Variants in ACYP2 observed in about 807,000 individuals in gnomAD.
ACYP2 encodes acylphosphatase-2.
Under a neutral mutation model 11.2 loss-of-function variants are expected in ACYP2, and 12 were observed. The ratio of observed to expected loss-of-function variants is 1.08; its 90% CI spans 0.69 to 1.74. The LOEUF is 1.74. Among genes scored for constraint, ACYP2 ranks in the 40% most tolerant of loss-of-function variants. ACYP2 has a pLI of 0.00. For missense variants in ACYP2, 134 were observed against 101.9 expected, an observed-to-expected ratio of 1.31 and a Z score of -1.35; for synonymous variants, 43 against 32.2, an observed-to-expected ratio of 1.33 and a Z score of -1.13.
chr2:53,992,148 TTTC>T (rs1672331649), intron 2 of ACYP2, among the ~76,000 whole-genome samples: 2 of 149,088 alleles, frequency 1.3e-5, no homozygotes, highest in African/African-American at 5.0e-5. Flanking sequence ...CCTTCCTTTC[TTTC>T]TTTCCTTCCT....
intron 2 of ACYP2, among the ~76,000 whole-genome samples, chr2:54,006,184 G>A (rs922698756): frequency 1.3e-5 from 2 of 152,042 alleles, no homozygotes; most frequent in Non-Finnish European, 2.9e-5. Flanking sequence ...TCTCACTCTT[G>A]TCCCCCAGGC....
intron 4 of ACYP2, among the ~76,000 whole-genome samples, chr2:54,087,531 T>G (rs747047451): frequency 6.6e-6 from 1 of 152,034 alleles, no homozygotes; most frequent in Non-Finnish European, 1.5e-5. Flanking sequence ...TCGTATTTTT[T>G]GTAGAGATGG....
chr2:54,091,072 T>C (rs1678198113), intron 4 of ACYP2, among the ~76,000 whole-genome samples: 2 of 152,256 alleles, frequency 1.3e-5, no homozygotes, highest in African/African-American at 4.8e-5. Context: ...CTACTAATGT[T>C]TCTCAACACC....
At chr2:54,252,142 TTACACTTCA>T (rs1259397649) in intron 6 of ACYP2, among the ~76,000 whole-genome samples, 2 of 152,354 alleles carry the variant, frequency 1.3e-5, no homozygotes, top group Non-Finnish European at 2.9e-5. Flanking sequence ...TTACCTGCTG[TTACACTTCA>T]TACATAAAAG....
chr2:54,222,246 C>T (rs1685827792), intron 6 of ACYP2, among the ~76,000 whole-genome samples: 2 of 152,108 alleles, frequency 1.3e-5, no homozygotes, highest in South Asian at 4.2e-4. Flanking sequence ...TTGGGTGGAA[C>T]TAGGAGAAAA....
intron 6 of ACYP2, among the ~76,000 whole-genome samples, chr2:54,146,307 C>T (rs1179173937): frequency 6.6e-6 from 1 of 152,204 alleles, no homozygotes; most frequent in Non-Finnish European, 1.5e-5. Flanking sequence ...ATTTTCACAA[C>T]CATCTGCCTT....
At chr2:54,041,109 CT>C (rs55975751) in intron 2 of ACYP2, among the ~76,000 whole-genome samples, 80,892 of 149,532 alleles carry the variant, frequency 0.54, 21,926 homozygotes, top group East Asian at 0.7. Context: ...TTCTTTCTTT[CT>C]TTTTTTTTGT....
At chr2:54,002,169 A>G (rs1206676380) in intron 2 of ACYP2, among the ~76,000 whole-genome samples, 1 of 151,816 alleles carries the variant, frequency 6.6e-6, no homozygotes, top group Non-Finnish European at 1.5e-5. Flanking sequence ...ATTCATTCCT[A>G]CTCTCCCTTA....
chr2:53,981,061 AT>A (rs1430546062), intron 2 of ACYP2, among the ~76,000 whole-genome samples: 3 of 152,056 alleles, frequency 2.0e-5, no homozygotes, highest in Admixed American at 6.6e-5. Flanking sequence ...CAGATGTACC[AT>A]TTTTTATCTT....
chr2:54,096,894 G>C (rs1678624540), intron 4 of ACYP2, among the ~76,000 whole-genome samples: 1 of 152,206 alleles, frequency 6.6e-6, no homozygotes, highest in African/African-American at 2.4e-5. Context: ...TTTAAAAATA[G>C]AGACGGGGTC....
chr2:54,012,187 G>C (rs1673409985), intron 2 of ACYP2, among the ~76,000 whole-genome samples: 1 of 150,702 alleles, frequency 6.6e-6, no homozygotes, highest in Non-Finnish European at 1.5e-5. Context: ...AGTGAGCTGA[G>C]ACTTTGCCAC....
intron 4 of ACYP2, among the ~76,000 whole-genome samples, chr2:54,120,283 C>A (rs1182810578): frequency 6.6e-6 from 1 of 152,192 alleles, no homozygotes; most frequent in African/African-American, 2.4e-5. Context: ...GTTAAGAGAG[C>A]TGGGGACTGA....
chr2:54,106,360 A>G lies in ACYP2; in HGVS notation c.278-29093A>G, dbSNP rs1269036676. 2.0e-5 allele frequency among the ~76,000 whole-genome samples: 3 copies of G among 152,126 alleles called. No individual in the cohort carries two copies. In the East Asian group the frequency reaches 5.8e-4, roughly 29 times the overall value. ...ATTACAGGTGTGAACCACCGTTCCC[A>G]GACAAATATCAGATTTTATGAGTAA... is the stretch of plus-strand genomic sequence containing the variant. On this transcript the variant is annotated intron_variant, in intron 4 of 6. Transcript: ENST00000607452.
intron 4 of ACYP2, chr2:54,115,367 T>TGAGAAC: frequency 1.9e-6 from 1 of 527,816 alleles, no homozygotes; most frequent in Admixed American, 3.9e-5. Context: ...CATCCGGCTT[T>TGAGAAC]TATTTACTAA....
chr2:54,223,775 G>C (rs937663640), intron 6 of ACYP2, among the ~76,000 whole-genome samples: 1 of 152,096 alleles, frequency 6.6e-6, no homozygotes, highest in Non-Finnish European at 1.5e-5. Flanking sequence ...CTTTAATTTA[G>C]GAAATAATTT....
Position 54,117,921 on chromosome 2 carries a change from C to T in ACYP2, c.278-17532C>T, listed in dbSNP as rs796939022. On this transcript the variant is annotated intron_variant, in intron 4 of 6. Transcript: ENST00000607452. ...TGTAGCCTTTTGTCCCTCACCCCGT[C>T]CTACCCTTTCCCCCCTGACTCCCCA... 4.0e-4 allele frequency among the ~76,000 whole-genome samples: 61 copies of T among 152,280 alleles called. 1 individual carries two copies. The highest frequency in any genetic ancestry group is 1.3e-3 in the African/African-American group (53 of 41,552).
At chr2:54,256,728 G>A (rs1378155703) in intron 6 of ACYP2, among the ~76,000 whole-genome samples, 4 of 152,176 alleles carry the variant, frequency 2.6e-5, no homozygotes, top group East Asian at 3.9e-4. Flanking sequence ...TGAAGCTGCC[G>A]CCTCCCAAGT....
chr2:54,240,536 G>T (rs780269098), intron 6 of ACYP2, among the ~76,000 whole-genome samples: 1 of 152,154 alleles, frequency 6.6e-6, no homozygotes, highest in Non-Finnish European at 1.5e-5. Flanking sequence ...CACCCCTAAA[G>T]ATATCAATAA....
chr2:54,023,391 G>A (rs907641532), intron 2 of ACYP2, among the ~76,000 whole-genome samples: 13 of 152,286 alleles, frequency 8.5e-5, no homozygotes, highest in Admixed American at 2.6e-4. Context: ...CTAGGCTCAA[G>A]TAGTCCTTTT....
Sources: allele counts gnomAD v4.1 joint callset (sites outside exome capture counted in the v4.1 genomes callset), GRCh38; gene constraint gnomAD v4.1.1; transcripts MANE v1.5; gene names NCBI Gene and HGNC (gene_info 2026-07-23, HGNC 2026-07-21).